Variants in CA6 observed in about 807,000 individuals in gnomAD.
CA6 encodes the protein carbonic anhydrase 6, also known as carbonate dehydratase VI.
CA6 carries 28 observed loss-of-function variants against 35.9 expected under a neutral mutation model. The observed-to-expected ratio is 0.78, with a 90% CI of 0.58 to 1.07. The LOEUF (loss-of-function observed/expected upper bound fraction) is 1.07. Ranked by LOEUF, CA6 falls within the 50% of genes least tolerant of loss-of-function variation. CA6 has a pLI of 0.00. For missense variants in CA6, 377 were observed against 382.0 expected (o/e 0.99, Z 0.11); for synonymous variants, 148 against 152.6 (o/e 0.97, Z 0.22).
intron 5 of CA6, among the ~76,000 whole-genome samples, chr1:8,965,886 C>CA (rs34739263): frequency 0.14 from 19,259 of 133,576 alleles, 1,291 homozygotes; most frequent in Non-Finnish European, 0.16. Flanking sequence ...GACTCTGCTT[C>CA]AAAAAAAAAA....
intron 1 of CA6, among the ~76,000 whole-genome samples, chr1:8,946,806 T>TG (rs2124216603): frequency 7.4e-5 from 1 of 13,430 alleles, no homozygotes; most frequent in South Asian, 1.6e-3. Flanking sequence ...TTTTTTTTTG[T>TG]TTTTTTTTTT....
intron 2 of CA6, 59 bp downstream of exon 2, chr1:8,949,501 G>T: frequency 7.1e-7 from 1 of 1,412,566 alleles, no homozygotes; most frequent in South Asian, 1.2e-5. Context: ...GGGAAGGCAG[G>T]TTACACGTGT....
At chr1:8,946,805 GTT>G (rs60046591) in intron 1 of CA6, among the ~76,000 whole-genome samples, 39 of 102,014 alleles carry the variant, frequency 3.8e-4, no homozygotes, top group East Asian at 1.2e-3. Flanking sequence ...TTTTTTTTTT[GTT>G]TTTTTTTTTT....
intron 6 of CA6, among the ~76,000 whole-genome samples, chr1:8,968,671 TG>T (rs1640032007): frequency 6.6e-6 from 1 of 152,024 alleles, no homozygotes; most frequent in Admixed American, 6.6e-5. Context: ...CATCCAGACT[TG>T]GGACAAAAAC....
intron 6 of CA6, among the ~76,000 whole-genome samples, chr1:8,970,394 C>T (rs534215911): frequency 1.2e-4 from 18 of 152,202 alleles, no homozygotes; most frequent in African/African-American, 4.1e-4. Flanking sequence ...TAGATTAGTT[C>T]TGGAATAATG....
intron 2 of CA6, among the ~76,000 whole-genome samples, chr1:8,954,740 T>C (rs924735075): frequency 6.6e-6 from 1 of 151,896 alleles, no homozygotes; most frequent in Non-Finnish European, 1.5e-5. Context: ...ATTTTTGGGT[T>C]ATTTTTGTAT....
intron 3 of CA6, among the ~76,000 whole-genome samples, chr1:8,957,785 CA>C (rs869085886): frequency 0.051 from 4,027 of 79,328 alleles, 37 homozygotes; most frequent in Non-Finnish European, 0.068. Context: ...CTTGTGTCTA[CA>C]AAAAAAAAAA....
intron 6 of CA6, among the ~76,000 whole-genome samples, chr1:8,969,984 G>A (rs945066425): frequency 6.6e-6 from 1 of 151,972 alleles, no homozygotes; most frequent in Non-Finnish European, 1.5e-5. Context: ...CTGAGTGGGC[G>A]AATGGCCTGA....
At chr1:8,958,809 C>T (rs372985138) in intron 3 of CA6, 101 bp from the exon 4 acceptor site, 1 of 694,660 alleles carries the variant, frequency 1.4e-6, no homozygotes, top group Non-Finnish European at 2.5e-6. Flanking sequence ...AGTCTGAGGC[C>T]TCAGACGGAG....
At chr1:8,968,790 T>C (rs1465971496) in intron 6 of CA6, among the ~76,000 whole-genome samples, 1 of 151,722 alleles carries the variant, frequency 6.6e-6, no homozygotes, top group Non-Finnish European at 1.5e-5. Context: ...CCAAAGTGGG[T>C]GGATCACCTG....
chr1:8,956,819 G>A (rs1639696548), intron 2 of CA6, among the ~76,000 whole-genome samples: 1 of 152,188 alleles, frequency 6.6e-6, no homozygotes. Context: ...TTTCCCTGGG[G>A]CCAGCAAGCT....
intron 2 of CA6, among the ~76,000 whole-genome samples, chr1:8,954,435 G>A (rs1639621854): frequency 1.3e-5 from 2 of 152,154 alleles, no homozygotes. Context: ...AAAGTGCTGG[G>A]ATTACAGGTG....
At chr1:8,946,838 C>G (rs1428717522) in intron 1 of CA6, among the ~76,000 whole-genome samples, 1 of 127,002 alleles carries the variant, frequency 7.9e-6, no homozygotes, top group Non-Finnish European at 1.6e-5. Context: ...GAGTCTTGCT[C>G]TGTTGCCCAG....
At position 8,963,510 on chromosome 1, in the gene CA6, G is replaced by C. The variant is rs1447685863; in HGVS notation, c.571+854G>C. Among the ~76,000 whole-genome samples, 1 of 152,100 alleles carries C rather than the reference G, an allele frequency of 6.6e-6. No homozygotes were observed. Among genetic ancestry groups the C allele is most frequent in the African/African-American group, 2.4e-5 (1 of 41,408 alleles). On this transcript the variant is annotated intron_variant, in intron 5 of 7. Coordinates refer to ENST00000377443, the MANE Select transcript of CA6 (RefSeq NM_001215.4). This position sits in a 1 kb window ranked among gnomAD's most constrained non-coding sequence, Gnocchi z 4.1. ...GGCAGCCAAACAGCTGAATGCAACT[G>C]GACAGAAATCCATAGACATCTAACT...
chr1:8,970,690 G>T (rs559684993), intron 6 of CA6, among the ~76,000 whole-genome samples, 177 bp from the exon 7 acceptor site: 12 of 152,126 alleles, frequency 7.9e-5, no homozygotes, highest in African/African-American at 2.4e-4. Flanking sequence ...TAGTAGAGAA[G>T]AGGTTTCACC....
At chr1:8,954,108 G>A (rs893492294) in intron 2 of CA6, among the ~76,000 whole-genome samples, 1 of 151,916 alleles carries the variant, frequency 6.6e-6, no homozygotes, top group Non-Finnish European at 1.5e-5. Context: ...CCATAAAAAC[G>A]GGCAACCAGC....
In CA6 at chr1:8,957,364, A is replaced by G. The variant is rs1639716821; in HGVS notation, c.408+79A>G. On this transcript the variant is annotated intron_variant, in intron 3 of 7. Coordinates refer to ENST00000377443, the MANE Select transcript of CA6 (RefSeq NM_001215.4). ...TCTTTTTATTTATTTATTTTGAGAC[A>G]GAGTCTCGCTCTGTTGCCCCGGCTG... is the stretch of plus-strand genomic sequence containing the variant. 5.0e-6 allele frequency: 7 copies of G among 1,402,064 alleles called. No homozygotes were observed. In the South Asian group the frequency reaches 5.3e-5, roughly 11 times the overall value. The allele number at this position is 1,402,064 out of a possible 1,614,324, so 86.9% of individuals were successfully genotyped here.
At position 8,974,865 on chromosome 1, in the gene CA6, G is replaced by C. The variant is rs1468832544; in HGVS notation, c.*161G>C. 1 of 524,414 alleles carries C rather than the reference G, an allele frequency of 1.9e-6. No homozygotes were observed. The highest frequency in any genetic ancestry group is 2.0e-5 in the African/African-American group (1 of 50,538). The allele number at this position is 524,414 out of a possible 1,614,324, so 32.5% of individuals were successfully genotyped here. A position where few individuals can be genotyped will look rare whatever the true frequency, so the allele number is the denominator to read the frequency against. On this transcript the variant is annotated 3_prime_UTR_variant, in exon 8 of 8. Coordinates refer to ENST00000377443, the MANE Select transcript of CA6 (RefSeq NM_001215.4). ...CTGTTGGGATTCTGATTAAAAGAGG[G>C]GAAACGATCATCCTGGACAGGAAGT... is the stretch of plus-strand genomic sequence containing the variant.
intron 2 of CA6, among the ~76,000 whole-genome samples, chr1:8,950,853 G>A (rs1374678823): frequency 2.0e-5 from 3 of 150,720 alleles, no homozygotes; most frequent in East Asian, 2.0e-4. Flanking sequence ...GCAACAGAGC[G>A]AGACCGTTTC....
Sources: gnomAD v4.1 joint callset for allele counts (sites outside exome capture counted in the v4.1 genomes callset) on GRCh38, gnomAD v4.1.1 for gene constraint, Gnocchi (gnomAD v3.1) non-coding constraint, MANE v1.5 for transcripts, NCBI Gene and HGNC (gene_info 2026-07-23, HGNC 2026-07-21) for gene names.